Variants in ITFG1 observed in about 807,000 individuals in gnomAD.
ITFG1 encodes the protein T-cell immunomodulatory protein.
Under a neutral mutation model 81.8 loss-of-function variants are expected in ITFG1, and 34 were observed. The observed-to-expected ratio is 0.42, with a 90% CI of 0.32 to 0.55. The LOEUF is 0.55. ITFG1 is among the 20% of genes least tolerant of loss of function. ITFG1 has a pLI of 0.17. For synonymous variants in ITFG1, 285 were observed against 270.6 expected (o/e 1.05, Z -0.52); for missense variants, 672 against 755.4 (o/e 0.89, Z 1.29).
chr16:47,257,362 AAC>A (rs2151541046), intron 12 of ITFG1, among the ~76,000 whole-genome samples: 1 of 152,304 alleles, frequency 6.6e-6, no homozygotes, highest in South Asian at 2.1e-4. Flanking sequence ...AAAACTTAAA[AAC>A]ACAATATCCT....
intron 10 of ITFG1, among the ~76,000 whole-genome samples, chr16:47,286,234 T>A (rs1227616450): frequency 6.6e-6 from 1 of 152,208 alleles, no homozygotes; most frequent in East Asian, 1.9e-4. Flanking sequence ...GGATGGCCAT[T>A]CCAAATTGTC....
intron 8 of ITFG1, among the ~76,000 whole-genome samples, chr16:47,351,629 A>T (rs1457577576): frequency 6.6e-6 from 1 of 152,218 alleles, no homozygotes; most frequent in East Asian, 1.9e-4. Context: ...GAACATTGCC[A>T]TTCTGCCCCG....
chr16:47,316,885 C>T (rs1159909805), intron 8 of ITFG1, among the ~76,000 whole-genome samples: 1 of 152,162 alleles, frequency 6.6e-6, no homozygotes, highest in African/African-American at 2.4e-5. Flanking sequence ...GAAGGGCATG[C>T]TGATGGAGAT....
chr16:47,331,811 T>A (rs1967640930), intron 8 of ITFG1, among the ~76,000 whole-genome samples: 2 of 152,216 alleles, frequency 1.3e-5, no homozygotes. Context: ...TTGTTAGTAA[T>A]TTTTGTTGTA....
chr16:47,254,052 C>G (rs1461510622), intron 12 of ITFG1, among the ~76,000 whole-genome samples: 1 of 151,984 alleles, frequency 6.6e-6, no homozygotes, highest in Non-Finnish European at 1.5e-5. Flanking sequence ...CACATTTTGA[C>G]TTGAGTTTTC....
Position 47,307,110 on chromosome 16 carries a change from A to C in ITFG1, c.1070+4130T>G, listed in dbSNP as rs1237974530. Among the ~76,000 whole-genome samples the C allele has an allele frequency of 3.7e-3, 549 of 147,874 alleles. 7 individuals are homozygous for C. Among genetic ancestry groups the C allele is most frequent in the Non-Finnish European group, 6.8e-3 (457 of 66,886 alleles). ...CTCCGTCTCAAAAAAAAAAAAAAAA[A>C]AAAAAAAAAAAAACGGAGAAAGAAG... On this transcript the variant is annotated intron_variant, in intron 10 of 17. Transcript: ENST00000320640.
At chr16:47,388,341 A>T (rs766834368) in intron 6 of ITFG1, among the ~76,000 whole-genome samples, 6 of 152,220 alleles carry the variant, frequency 3.9e-5, no homozygotes, top group African/African-American at 7.2e-5. Flanking sequence ...TTCACATCTA[A>T]GAAGCTCAAT....
chr16:47,268,960 C>G (rs536662641), intron 10 of ITFG1, among the ~76,000 whole-genome samples: 1 of 152,224 alleles, frequency 6.6e-6, no homozygotes, highest in South Asian at 2.1e-4. Context: ...AATCCAAAAC[C>G]CATTTCTGAT....
At chr16:47,299,160 A>G (rs1967033215) in intron 10 of ITFG1, among the ~76,000 whole-genome samples, 1 of 152,112 alleles carries the variant, frequency 6.6e-6, no homozygotes, top group Non-Finnish European at 1.5e-5. Flanking sequence ...TGACATTCAG[A>G]ATATTCGGTT....
intron 6 of ITFG1, among the ~76,000 whole-genome samples, chr16:47,414,552 AAACAAC>A (rs10594135): frequency 2.6e-5 from 4 of 151,512 alleles, no homozygotes; most frequent in Admixed American, 1.3e-4. Flanking sequence ...AACAAAAAAC[AAACAAC>A]AACAACAACA....
chr16:47,313,967 A>T (rs1596885305), intron 8 of ITFG1, 144 bp from the exon 9 acceptor site: 1 of 507,414 alleles, frequency 2.0e-6, no homozygotes, highest in East Asian at 3.4e-5. Context: ...AATGAATATG[A>T]TTTTATTTAA....
intron 6 of ITFG1, among the ~76,000 whole-genome samples, chr16:47,398,866 A>G (rs1384734705): frequency 6.6e-6 from 1 of 152,236 alleles, no homozygotes; most frequent in Non-Finnish European, 1.5e-5. Flanking sequence ...TCACCAGACA[A>G]TATTTCAGGG....
At chr16:47,398,293 C>CA (rs377728512) in intron 6 of ITFG1, among the ~76,000 whole-genome samples, 41 of 149,502 alleles carry the variant, frequency 2.7e-4, no homozygotes, top group South Asian at 1.5e-3. Flanking sequence ...GCCAGAAAAA[C>CA]AAAAAAAAAG....
chr16:47,289,230 A>G (rs1442355318), intron 10 of ITFG1, among the ~76,000 whole-genome samples: 2 of 152,128 alleles, frequency 1.3e-5, no homozygotes, highest in Non-Finnish European at 2.9e-5. Flanking sequence ...GCTCTTTCTA[A>G]TGTGCTGCTG....
intron 14 of ITFG1, among the ~76,000 whole-genome samples, chr16:47,200,527 G>A (rs940105394): frequency 2.6e-5 from 4 of 152,130 alleles, no homozygotes; most frequent in South Asian, 4.1e-4. Flanking sequence ...TACACTTGAC[G>A]AAAACTTTCA....
intron 6 of ITFG1, among the ~76,000 whole-genome samples, chr16:47,383,119 A>T (rs1236595874): frequency 6.6e-6 from 1 of 152,166 alleles, no homozygotes; most frequent in African/African-American, 2.4e-5. Context: ...ATATGGGTTA[A>T]TAGACATTAA....
intron 10 of ITFG1, among the ~76,000 whole-genome samples, chr16:47,290,932 G>T (rs746921137): frequency 2.0e-5 from 3 of 152,128 alleles, no homozygotes; most frequent in South Asian, 2.1e-4. Context: ...TTTTTGCAGC[G>T]ACAAGGTTTA....
At position 47,322,688 on chromosome 16, in the gene ITFG1, TCA is replaced by T. The variant is rs888928777; in HGVS notation, c.803-8867_803-8866del. 7.2e-5 allele frequency among the ~76,000 whole-genome samples: 11 copies of T among 152,274 alleles called. 1 individual carries two copies. The highest frequency in any genetic ancestry group is 4.1e-4 in the South Asian group (2 of 4,828). On this transcript the variant is annotated intron_variant, in intron 8 of 17. Coordinates refer to ENST00000320640, the MANE Select transcript of ITFG1 (RefSeq NM_030790.5). ...CTGGGCGATACAGTGAGACTCTGTC[TCA>T]CACACACACAAAAGAAATACGAATA...
At chr16:47,229,874 G>T (rs774327304) in intron 13 of ITFG1, among the ~76,000 whole-genome samples, 6 of 152,200 alleles carry the variant, frequency 3.9e-5, no homozygotes, top group African/African-American at 7.2e-5. Context: ...GCGGTTTCAT[G>T]TCCTGTGGTT....
Sources: allele counts gnomAD v4.1 joint callset (sites outside exome capture counted in the v4.1 genomes callset), GRCh38; gene constraint gnomAD v4.1.1; transcripts MANE v1.5; gene names NCBI Gene and HGNC (gene_info 2026-07-23, HGNC 2026-07-21).